EGFL6: variants seen among roughly 807,000 people sequenced by gnomAD.
EGFL6 encodes EGF like domain multiple 6.
Under a neutral mutation model 43.1 loss-of-function variants are expected in EGFL6, and 42 were observed. The observed-to-expected ratio is 0.98, with a 90% CI of 0.76 to 1.26. The LOEUF (loss-of-function observed/expected upper bound fraction) is 1.26, where lower values mean the gene tolerates loss of function less well. Among genes scored for constraint, EGFL6 ranks in the 50% most tolerant of loss-of-function variants. The pLI is 0.00. For synonymous variants in EGFL6, 164 were observed against 163.2 expected (o/e 1.01, Z -0.04); for missense variants, 429 against 427.8 (o/e 1.00, Z -0.02).
rs1431431352 is a variant in EGFL6 at position 13,633,190 on chromosome X, A to C, written c.*95A>C. On this transcript the variant is annotated 3_prime_UTR_variant, in exon 12 of 12. Coordinates refer to ENST00000361306, the MANE Select transcript of EGFL6 (RefSeq NM_015507.4). ...TCTGGCATTTTAGAATTACTAGCTG[A>C]AAAATTGTAATGTACCAACAGAAAT... is the stretch of plus-strand genomic sequence containing the variant. 1.6e-5 allele frequency: 11 copies of C among 675,021 alleles called. No individual in the cohort carries two copies. The African/African-American group carries it at 2.5e-4, about 15-fold the overall frequency. 55.6% of individuals were successfully genotyped at this position (675,021 alleles called of 1,213,427 possible).
At chrX:13,608,053 A>G (rs1040486448) in intron 6 of EGFL6, among the ~76,000 whole-genome samples, 1 of 112,579 alleles carries the variant, frequency 8.9e-6, no homozygotes, top group Admixed American at 9.4e-5. Context: ...AGAAAAACCT[A>G]AACATCTTAC....
At chrX:13,619,337 G>T in intron 9 of EGFL6, 94 bp downstream of exon 9, 1 of 781,268 alleles carries the variant, frequency 1.3e-6, no homozygotes, top group Non-Finnish European at 1.9e-6. Context: ...ATGAATCCCT[G>T]CTTCATTCGT....
chrX:13,581,907 C>G (rs1041013299), intron 1 of EGFL6, among the ~76,000 whole-genome samples: 2 of 111,444 alleles, frequency 1.8e-5, no homozygotes, highest in African/African-American at 6.5e-5. Flanking sequence ...TGTCTCAAGA[C>G]TCGGTTCCCT....
At chrX:13,596,116 T>A (rs1281575124) in intron 3 of EGFL6, 1 of 112,502 alleles carries the variant, frequency 8.9e-6, no homozygotes, top group Non-Finnish European at 1.9e-5. Flanking sequence ...GTTCTCAACC[T>A]GGGTAATTTT....
intron 1 of EGFL6, among the ~76,000 whole-genome samples, chrX:13,572,574 C>A (rs186862737): frequency 1.5e-4 from 17 of 111,941 alleles, no homozygotes; most frequent in African/African-American, 5.5e-4. Context: ...CCTTGAGTAC[C>A]TAAGATAAAT....
At chrX:13,613,124 G>A (rs899288300) in intron 7 of EGFL6, among the ~76,000 whole-genome samples, 1 of 100,196 alleles carries the variant, frequency 1.0e-5, no homozygotes, top group African/African-American at 4.0e-5. Context: ...CAGCCTGGGC[G>A]ACCGAGCGAG....
rs1036896990 is a variant in EGFL6 at position 13,632,868 on chromosome X, A to G, written c.1552-117A>G. On this transcript the variant is annotated intron_variant, in intron 11 of 11. Transcript: ENST00000361306. ...AAAAATAATCTATTACAGTATATTC[A>G]ATGTCGAAGCCGGTTTCTATGAAAT... 6 of 614,453 alleles carry G rather than the reference A, an allele frequency of 9.8e-6. No individual in the cohort carries two copies. In the African/African-American group the frequency reaches 1.1e-4, roughly 12 times the overall value. The allele number at this position is 614,453 out of a possible 1,213,427, so 50.6% of individuals were successfully genotyped here.
chrX:13,620,741 C>T (rs1339840092), intron 9 of EGFL6, among the ~76,000 whole-genome samples: 3 of 111,507 alleles, frequency 2.7e-5, no homozygotes, highest in Non-Finnish European at 3.8e-5. Flanking sequence ...GGGTAAGCTA[C>T]GTTCTCCAGG....
At chrX:13,581,638 A>G (rs2045506477) in intron 1 of EGFL6, among the ~76,000 whole-genome samples, 1 of 112,504 alleles carries the variant, frequency 8.9e-6, no homozygotes, top group Non-Finnish European at 1.9e-5. Flanking sequence ...AAACAAACAT[A>G]CTAAGAATTC....
chrX:13,587,062 A>G (rs5978648), intron 1 of EGFL6, among the ~76,000 whole-genome samples: 26,401 of 110,920 alleles, frequency 0.24, 2,444 homozygotes, highest in East Asian at 0.64. Context: ...GGTTGCCAGG[A>G]GATGAAGGGA....
At chrX:13,626,878 T>G (rs2045783111) in intron 10 of EGFL6, 133 bp from the exon 11 acceptor site, 3 of 676,970 alleles carry the variant, frequency 4.4e-6, no homozygotes, top group Non-Finnish European at 4.4e-6. Context: ...TTTATTCCTA[T>G]GTTCAAAATG....
intron 5 of EGFL6, among the ~76,000 whole-genome samples, 157 bp downstream of exon 5, chrX:13,603,593 T>C (rs1226235718): frequency 8.9e-6 from 1 of 112,936 alleles, no homozygotes; most frequent in Non-Finnish European, 1.9e-5. Flanking sequence ...TTTAGCCACA[T>C]ATGCTCTAAA....
chrX:13,631,470 A>T (rs181680569), intron 11 of EGFL6, among the ~76,000 whole-genome samples: 2,263 of 110,767 alleles, frequency 0.02, 30 homozygotes, highest in African/African-American at 0.042. Flanking sequence ...TTTTTTTTTT[A>T]AATTACAATA....
Position 13,603,175 on chromosome X carries a change from A to G in EGFL6, c.401-142A>G. On this transcript the variant is annotated intron_variant, in intron 4 of 11. Coordinates refer to ENST00000361306, the MANE Select transcript of EGFL6 (RefSeq NM_015507.4). ...CCCTACTGATCCCTTTTGGCTCTCCATTTGGGACTCAGACAATGAAACTTG... is the reference window on the plus strand; with the variant it reads ...CCCTACTGATCCCTTTTGGCTCTCCGTTTGGGACTCAGACAATGAAACTTG... 3 of 739,041 alleles carry G rather than the reference A, an allele frequency of 4.1e-6. No individual in the cohort carries two copies. The Admixed American group carries it at 1.1e-4, about 26-fold the overall frequency. The allele number at this position is 739,041 out of a possible 1,213,427, so 60.9% of individuals were successfully genotyped here.
intron 7 of EGFL6, among the ~76,000 whole-genome samples, chrX:13,610,577 TG>T (rs1280988787): frequency 8.9e-6 from 1 of 111,811 alleles, no homozygotes; most frequent in Non-Finnish European, 1.9e-5. Context: ...ATAGGTAGGT[TG>T]GGGGGAAGGA....
intron 10 of EGFL6, among the ~76,000 whole-genome samples, chrX:13,624,838 A>C (rs1220538121): frequency 8.9e-6 from 1 of 111,868 alleles, no homozygotes; most frequent in Non-Finnish European, 1.9e-5. Flanking sequence ...CCCTAACAAG[A>C]ATTCCTTTTT....
At chrX:13,587,372 A>G (rs558803001) in intron 1 of EGFL6, among the ~76,000 whole-genome samples, 11 of 112,043 alleles carry the variant, frequency 9.8e-5, no homozygotes, top group African/African-American at 2.9e-4. Flanking sequence ...AATATTTTAC[A>G]TATTTATGGG....
intron 2 of EGFL6, among the ~76,000 whole-genome samples, chrX:13,593,016 G>C (rs1464277753): frequency 1.0e-5 from 1 of 96,724 alleles, no homozygotes; most frequent in East Asian, 4.9e-4. Context: ...CTGTGTTCAA[G>C]TGATTCTCCT....
intron 6 of EGFL6, 48 bp from the exon 7 acceptor site, chrX:13,608,276 C>G (rs2045670811): frequency 8.4e-7 from 1 of 1,195,160 alleles, no homozygotes; most frequent in Non-Finnish European, 1.1e-6. Context: ...GTGAGTCTTT[C>G]AGCAAGCTCT....
Sources: allele counts gnomAD v4.1 joint callset (sites outside exome capture counted in the v4.1 genomes callset), GRCh38; gene constraint gnomAD v4.1.1; transcripts MANE v1.5; gene names NCBI Gene and HGNC (gene_info 2026-07-23, HGNC 2026-07-21).